TEX14: variants seen among roughly 807,000 people sequenced by gnomAD.
The protein encoded by TEX14 is testis expressed 14, intercellular bridge forming factor.
TEX14 carries 168 observed loss-of-function variants against 178.6 expected under a neutral mutation model. The ratio of observed to expected loss-of-function variants is 0.94; its 90% CI spans 0.83 to 1.07. The LOEUF is 1.07. TEX14 is among the 50% of genes least tolerant of loss of function. The probability of loss-of-function intolerance (pLI) is 0.00; values close to 1 mark genes in which losing one functional copy is unlikely to be tolerated. For synonymous variants in TEX14, 626 were observed against 634.1 expected (o/e 0.99, Z 0.19); for missense variants, 1,730 against 1,753.6 (o/e 0.99, Z 0.24).
intron 2 of TEX14, chr17:58,631,561 C>G (rs1487105976): frequency 3.9e-5 from 6 of 151,952 alleles, no homozygotes; most frequent in African/African-American, 1.2e-4. Context: ...AAACACACAT[C>G]TGGCATAACC....
intron 1 of TEX14, among the ~76,000 whole-genome samples, chr17:58,666,214 A>G (rs76202938): frequency 1.3e-5 from 2 of 151,840 alleles, no homozygotes; most frequent in Non-Finnish European, 2.9e-5. Flanking sequence ...ATGGTGGTGC[A>G]TGCCTGTAAT....
intron 20 of TEX14, 98 bp downstream of exon 20, chr17:58,579,567 C>T (rs539118182): frequency 1.6e-5 from 16 of 1,003,426 alleles, no homozygotes; most frequent in Non-Finnish European, 2.3e-5. Flanking sequence ...TTGGACGAGG[C>T]TGTCCCTCAG....
intron 1 of TEX14, among the ~76,000 whole-genome samples, chr17:58,688,276 A>T (rs1432352288): frequency 2.6e-5 from 4 of 151,616 alleles, no homozygotes; most frequent in Non-Finnish European, 5.9e-5. Flanking sequence ...ACCCTCCACC[A>T]CCCCCAGTTA....
chr17:58,588,228 AG>A (rs1299422557), intron 15 of TEX14, among the ~76,000 whole-genome samples: 2 of 152,158 alleles, frequency 1.3e-5, no homozygotes, highest in Non-Finnish European at 1.5e-5. Flanking sequence ...GGTTCAGGTG[AG>A]GGTTCTGCTC....
intron 2 of TEX14, among the ~76,000 whole-genome samples, chr17:58,640,724 T>TTTATTTAC (rs1211380885): frequency 6.6e-6 from 1 of 151,700 alleles, no homozygotes; most frequent in Non-Finnish European, 1.5e-5. Context: ...GTGGTGGCTA[T>TTTATTTAC]TTATTTACTT....
Position 58,573,171 on chromosome 17 carries a change from C to T in TEX14, c.3511+10G>A. 3 of 1,613,508 alleles carry T rather than the reference C, an allele frequency of 1.9e-6. No homozygotes were observed. The highest frequency in any genetic ancestry group is 2.5e-6 in the Non-Finnish European group (3 of 1,179,626). ...CCTTCTCCCCAAACACTTCTCTTCC[C>T]TGTGATTACCTGGGCTGAGTGGAGT... On this transcript the variant is annotated intron_variant, in intron 23 of 31. Coordinates refer to ENST00000349033, the MANE Select transcript of TEX14 (RefSeq NM_031272.5).
chr17:58,569,285 G>GA lies in TEX14; in HGVS notation c.3818-26dup. ...ACTAGTTTTTAAAAAAGACAAAAGG[G>GA]AAAATGTCTTAACACCCTCCTGGAC... On this transcript the variant is annotated intron_variant, in intron 25 of 31. Coordinates refer to ENST00000349033, the MANE Select transcript of TEX14 (RefSeq NM_031272.5). The surrounding 1 kb of genome is among the most constrained non-coding windows in gnomAD (Gnocchi z 4.1). 6.2e-7 allele frequency: 1 copy of GA among 1,601,286 alleles called. No individual in the cohort carries two copies. The highest frequency in any genetic ancestry group is 8.6e-7 in the Non-Finnish European group (1 of 1,168,692).
chr17:58,616,436 G>T, intron 6 of TEX14, 131 bp from the exon 7 acceptor site: 3 of 1,062,762 alleles, frequency 2.8e-6, no homozygotes, highest in South Asian at 1.8e-5. Context: ...TATGCACTGG[G>T]CCTTTTTTTT....
intron 6 of TEX14, among the ~76,000 whole-genome samples, 196 bp downstream of exon 6, chr17:58,617,342 A>C (rs1339807347): frequency 1.3e-5 from 2 of 152,198 alleles, no homozygotes; most frequent in African/African-American, 4.8e-5. Flanking sequence ...CATCCAAGGG[A>C]ATTCTCTGGG....
intron 5 of TEX14, 100 bp downstream of exon 5, chr17:58,621,550 G>T: frequency 8.0e-7 from 1 of 1,242,866 alleles, no homozygotes; most frequent in Non-Finnish European, 1.1e-6. Flanking sequence ...GATGCCAGAG[G>T]GCACTGATGT....
intron 8 of TEX14, among the ~76,000 whole-genome samples, chr17:58,614,279 C>T (rs558346239): frequency 6.6e-6 from 1 of 152,170 alleles, no homozygotes; most frequent in South Asian, 2.1e-4. Flanking sequence ...CACTTGAAAT[C>T]AGGAGTTTGA....
rs376500228 is a variant in TEX14, at chr17:58,587,677, C to T, written c.2703-11G>A. 3.5e-5 allele frequency: 56 copies of T among 1,592,566 alleles called. No individual in the cohort carries two copies. The highest frequency in any genetic ancestry group is 9.5e-5 in the African/African-American group (7 of 73,782). ...GGTTCCACACTCATCCTGAATTGCA[C>T]GGGTTTTTTGGAGGTAGGGGGAGCG... On this transcript the variant is annotated splice_polypyrimidine_tract_variant and intron_variant, in intron 16 of 31. Transcript: ENST00000349033.
At chr17:58,576,423 G>A (rs563105135) in intron 21 of TEX14, among the ~76,000 whole-genome samples, 73 of 151,534 alleles carry the variant, frequency 4.8e-4, no homozygotes, top group African/African-American at 1.6e-3. Flanking sequence ...GGTGGAGGTT[G>A]CAGTGAGCTG....
chr17:58,586,874 T>C (rs1245299729), intron 17 of TEX14, among the ~76,000 whole-genome samples: 1 of 152,108 alleles, frequency 6.6e-6, no homozygotes, highest in Non-Finnish European at 1.5e-5. Context: ...TTAGGTGAAC[T>C]AGTGTGTTGA....
At chr17:58,579,411 A>C (rs1015894777) in intron 20 of TEX14, among the ~76,000 whole-genome samples, 1 of 152,252 alleles carries the variant, frequency 6.6e-6, no homozygotes, top group Non-Finnish European at 1.5e-5. Flanking sequence ...AAAAGCAGTG[A>C]CTACAACAAC....
intron 1 of TEX14, among the ~76,000 whole-genome samples, chr17:58,678,964 G>A (rs1319411450): frequency 2.0e-5 from 3 of 151,898 alleles, no homozygotes; most frequent in African/African-American, 7.3e-5. Context: ...GACCAGCCTG[G>A]CCAACATGGT....
At chr17:58,668,304 A>T (rs1326518375) in intron 1 of TEX14, among the ~76,000 whole-genome samples, 1 of 152,136 alleles carries the variant, frequency 6.6e-6, no homozygotes, top group Non-Finnish European at 1.5e-5. Flanking sequence ...CGGTCTCTAT[A>T]CCTATCCTGA....
At position 58,598,947 on chromosome 17, in the gene TEX14, G is replaced by A. The variant is rs748507378; in HGVS notation, c.2398C>T (p.Leu800=). Residue 800 remains leucine (L), a synonymous_variant, in exon 14 of 32, where the codon CTA becomes TTA. Transcript: ENST00000349033. ...GGCTTCTGACCCCCTGAAAGCTGTA[G>A]GACAGGAGGAATATAGTTTAAAGAT... ...PPSLNYIPPV[L]QLSGGQKPDT... 5 of 1,614,140 alleles carry A rather than the reference G, an allele frequency of 3.1e-6. No individual in the cohort carries two copies. Among genetic ancestry groups the A allele is most frequent in the South Asian group, 1.1e-5 (1 of 91,080 alleles).
At chr17:58,574,040 G>A in intron 22 of TEX14, 147 bp downstream of exon 22, 1 of 659,662 alleles carries the variant, frequency 1.5e-6, no homozygotes, top group Non-Finnish European at 2.7e-6. Flanking sequence ...TCACCAATTT[G>A]ATAACAACTT....
Sources: gnomAD v4.1 joint callset for allele counts (sites outside exome capture counted in the v4.1 genomes callset) on GRCh38, gnomAD v4.1.1 for gene constraint, Gnocchi (gnomAD v3.1) non-coding constraint, MANE v1.5 for transcripts, NCBI Gene and HGNC (gene_info 2026-07-23, HGNC 2026-07-21) for gene names.